Variants in TSPAN16 observed in about 807,000 individuals in gnomAD.
The protein encoded by TSPAN16 is tetraspanin 16, also known as tetraspanin-16.
In TSPAN16, 23 loss-of-function variants were observed where a neutral mutation model predicts 25.2. That is an observed-to-expected ratio of 0.91 (90% confidence interval 0.66 to 1.29). The LOEUF (loss-of-function observed/expected upper bound fraction) is 1.29, where lower values mean the gene tolerates loss of function less well. Ranked by LOEUF, TSPAN16 falls within the 50% of genes most tolerant of loss-of-function variation. The pLI, the probability that TSPAN16 is intolerant of heterozygous loss-of-function variation, is 0.00. For missense variants in TSPAN16, 272 were observed against 299.9 expected (o/e 0.91, Z 0.69); for synonymous variants, 123 against 124.4 (o/e 0.99, Z 0.08).
chr19:11,322,478 G>A (rs932650132), intron 6 of TSPAN16: 1 of 152,148 alleles, frequency 6.6e-6, no homozygotes, highest in Non-Finnish European at 1.5e-5. Flanking sequence ...GTTAGTGGGT[G>A]GTCCTGACCA....
At chr19:11,305,386 C>T (rs529948306) in intron 4 of TSPAN16, among the ~76,000 whole-genome samples, 126 of 151,624 alleles carry the variant, frequency 8.3e-4, no homozygotes, top group Admixed American at 3.2e-3. Context: ...AAAAATTAGC[C>T]GGGCATGGTG....
chr19:11,298,729 G>C, intron 2 of TSPAN16, 143 bp from the exon 3 acceptor site: 1 of 759,442 alleles, frequency 1.3e-6, no homozygotes, highest in Non-Finnish European at 2.3e-6. Context: ...CACTGCTCCC[G>C]GTCGAATTGT....
intron 5 of TSPAN16, among the ~76,000 whole-genome samples, chr19:11,308,616 T>G (rs322149): frequency 0.43 from 65,945 of 151,818 alleles, 16,580 homozygotes; most frequent in African/African-American, 0.7. Flanking sequence ...GACTACAGGC[T>G]CCTGCCAGCA....
intron 4 of TSPAN16, among the ~76,000 whole-genome samples, chr19:11,302,654 CACAT>C (rs1202897990): frequency 3.0e-5 from 3 of 100,724 alleles, no homozygotes. Flanking sequence ...TATATATATA[CACAT>C]ACATATATAT....
Position 11,298,215 on chromosome 19 carries a change from G to A in TSPAN16, c.143G>A (p.Gly48Glu). The A allele has an allele frequency of 6.2e-7, 1 of 1,614,152 alleles. No homozygotes were observed. Among genetic ancestry groups the A allele is most frequent in the Non-Finnish European group, 8.5e-7 (1 of 1,180,038 alleles). The change falls in exon 2 of 7, where the codon GGG (glycine) becomes GAG (glutamate). Residue 48 changes from glycine to glutamate, a missense_variant. Gly to Glu is a moderately conservative substitution (Grantham distance 98, BLOSUM62 -2). Coordinates refer to ENST00000590327, the MANE Select transcript of TSPAN16 (RefSeq NM_001282509.2). ...GGGGCCTCTCTGACGAATGTCCTCG[G>A]GCTGTCCTCCGCATACCTCCTTCAC... is the stretch of plus-strand genomic sequence containing the variant. ...CGGASLTNVL[G>E]LSSAYLLHVG...
Position 11,308,002 on chromosome 19 carries a change from C to T in TSPAN16, c.603+1246C>T, listed in dbSNP as rs72991499. 151 of 152,288 alleles carry T rather than the reference C, an allele frequency of 9.9e-4. 1 individual carries two copies. Among genetic ancestry groups the T allele is most frequent in the Non-Finnish European group, 1.7e-3 (113 of 68,038 alleles). The allele number at this position is 152,288 out of a possible 1,614,324, so 9.4% of individuals were successfully genotyped here. Reference sequence around the variant, plus strand: ...TAGAGACCCTAAATGGAGCAATAACCATGAAAAGTGATCATCCTAGCGGGA... The same window carrying T: ...TAGAGACCCTAAATGGAGCAATAACTATGAAAAGTGATCATCCTAGCGGGA... On this transcript the variant is annotated intron_variant, in intron 5 of 6. Transcript: ENST00000590327.
rs574096686 is a variant in TSPAN16 at position 11,307,112 on chromosome 19, T to C, written c.603+356T>C. On this transcript the variant is annotated intron_variant, in intron 5 of 6. Transcript: ENST00000590327. Reference sequence around the variant, plus strand: ...CATGAGCTACTGTACCCAGCCTTTTTATTTATTTATTTAGTTAGTTATTTT... The same window carrying C: ...CATGAGCTACTGTACCCAGCCTTTTCATTTATTTATTTAGTTAGTTATTTT... Among the ~76,000 whole-genome samples the C allele has an allele frequency of 1.8e-4, 27 of 149,772 alleles. No homozygotes were observed. In the South Asian group the frequency reaches 5.1e-3, roughly 28 times the overall value.
intron 4 of TSPAN16, among the ~76,000 whole-genome samples, chr19:11,304,746 G>C (rs1279372718): frequency 6.6e-6 from 1 of 151,902 alleles, no homozygotes; most frequent in South Asian, 2.1e-4. Flanking sequence ...GGATGATCTT[G>C]ATCTCCTGAC....
At chr19:11,321,293 C>A (rs966223333) in intron 6 of TSPAN16, 2 of 152,136 alleles carry the variant, frequency 1.3e-5, no homozygotes, top group East Asian at 3.8e-4. Flanking sequence ...AAGCCAGATA[C>A]CTTCTTCACA....
chr19:11,312,657 T>G (rs573042249), intron 6 of TSPAN16, among the ~76,000 whole-genome samples: 2 of 151,894 alleles, frequency 1.3e-5, no homozygotes, highest in African/African-American at 4.8e-5. Context: ...CCCAGCTACT[T>G]GGGGGGCTGA....
chr19:11,315,549 T>G (rs935702130), intron 6 of TSPAN16, among the ~76,000 whole-genome samples: 1 of 147,634 alleles, frequency 6.8e-6, no homozygotes, highest in Non-Finnish European at 1.5e-5. Context: ...GAGGGAGACT[T>G]CATCTCAAAA....
At chr19:11,313,334 A>C (rs2080713069) in intron 6 of TSPAN16, among the ~76,000 whole-genome samples, 1 of 152,112 alleles carries the variant, frequency 6.6e-6, no homozygotes, top group Non-Finnish European at 1.5e-5. Flanking sequence ...GAACATGGTG[A>C]AACCCTGTCT....
At chr19:11,326,405 G>A (rs1208005749) in intron 6 of TSPAN16, among the ~76,000 whole-genome samples, 1 of 152,094 alleles carries the variant, frequency 6.6e-6, no homozygotes, top group Non-Finnish European at 1.5e-5. Context: ...ACGAAACCCT[G>A]CGGCTGCAGC....
At chr19:11,297,599 C>A (rs56194888) in intron 1 of TSPAN16, among the ~76,000 whole-genome samples, 1 of 151,738 alleles carries the variant, frequency 6.6e-6, no homozygotes, top group Non-Finnish European at 1.5e-5. Context: ...CAGGTTTAAG[C>A]GATTCTTCTG....
intron 1 of TSPAN16, 59 bp downstream of exon 1, chr19:11,296,425 C>T (rs1238545958): frequency 1.3e-6 from 2 of 1,546,232 alleles, no homozygotes; most frequent in Non-Finnish European, 8.9e-7. Flanking sequence ...ACAGTCAGCT[C>T]CCTGAAAGAC....
chr19:11,310,588 C>T (rs552196081), intron 5 of TSPAN16, among the ~76,000 whole-genome samples: 2 of 151,520 alleles, frequency 1.3e-5, no homozygotes, highest in South Asian at 2.1e-4. Flanking sequence ...CCTGCCAACG[C>T]ACTTTGCCTG....
At chr19:11,309,618 G>A (rs7248896) in intron 5 of TSPAN16, among the ~76,000 whole-genome samples, 35,151 of 152,154 alleles carry the variant, frequency 0.23, 4,426 homozygotes, top group East Asian at 0.46. Context: ...CCTCATCCCA[G>A]TGATCATGCT....
Position 11,304,782 on chromosome 19 carries a change from C to T in TSPAN16, c.451-1822C>T, listed in dbSNP as rs531338772. ...CTCGTGATCTGTCCGCCTCGGCCTC[C>T]CAAAGTGCTGGGATTACAGGCGTGA... On this transcript the variant is annotated intron_variant, in intron 4 of 6. Coordinates refer to ENST00000590327, the MANE Select transcript of TSPAN16 (RefSeq NM_001282509.2). 2.6e-5 allele frequency among the ~76,000 whole-genome samples: 4 copies of T among 152,116 alleles called. No homozygotes were observed. The South Asian group carries it at 8.3e-4, about 32-fold the overall frequency.
chr19:11,308,223 A>G (rs1292798510), intron 5 of TSPAN16, among the ~76,000 whole-genome samples: 1 of 152,200 alleles, frequency 6.6e-6, no homozygotes, highest in East Asian at 1.9e-4. Flanking sequence ...CGAGTGAATG[A>G]GCACAGAGAT....
Sources: gnomAD v4.1 joint callset for allele counts (sites outside exome capture counted in the v4.1 genomes callset) on GRCh38, gnomAD v4.1.1 for gene constraint, MANE v1.5 for transcripts, NCBI Gene and HGNC (gene_info 2026-07-23, HGNC 2026-07-21) for gene names.